Variants in MUC4 observed in about 807,000 individuals in gnomAD.
The protein encoded by MUC4 is mucin-4.
MUC4 carries 202 observed loss-of-function variants against 257.9 expected under a neutral mutation model. The observed-to-expected ratio is 0.78, with a 90% CI of 0.70 to 0.88. MUC4 has a LOEUF of 0.88. Among genes scored for constraint, MUC4 ranks in the 40% least tolerant of loss-of-function variants. The pLI, the probability that MUC4 is intolerant of heterozygous loss-of-function variation, is 0.00. For synonymous variants in MUC4, 2,351 were observed against 2,757.1 expected, an observed-to-expected ratio of 0.85 and a Z score of 4.62; for missense variants, 5,976 against 6,513.7, an observed-to-expected ratio of 0.92 and a Z score of 2.84.
intron 19 of MUC4, chr3:195,753,556 T>G: frequency 2.4e-6 from 1 of 424,130 alleles, no homozygotes; most frequent in Admixed American, 4.6e-5. Context: ...CCATCTCCTT[T>G]TCTGCCTTTA....
At chr3:195,801,698 G>A (rs930931825) in intron 1 of MUC4, among the ~76,000 whole-genome samples, 4 of 152,064 alleles carry the variant, frequency 2.6e-5, no homozygotes, top group African/African-American at 9.7e-5. Flanking sequence ...TTTCCTCAGA[G>A]CTACCAGAAT....
At position 195,748,928 on chromosome 3, in the gene MUC4, C is replaced by T. The variant is rs3205933; in HGVS notation, c.16008G>A (p.Gln5336=). The change falls in exon 24 of 25, where the codon CAG becomes CAA. Residue 5336 remains glutamine (Q), a synonymous_variant. Coordinates refer to ENST00000463781, the MANE Select transcript of MUC4 (RefSeq NM_018406.7). Reference sequence around the variant, plus strand: ...TGCAGCGGGGCCCACTGGGCAGGTGCTGGCACTGGCCTCCATGGTCACAGT... The same window carrying T: ...TGCAGCGGGGCCCACTGGGCAGGTGTTGGCACTGGCCTCCATGGTCACAGT... The part of the protein sequence containing the change: ...RGYCDHGGQC[Q]HLPSGPRCSC... The T allele has an allele frequency of 0.1, 164,491 of 1,571,954 alleles. 2,016 individuals carry two copies. The highest frequency in any genetic ancestry group is 0.21 in the Middle Eastern group (1,028 of 4,978).
rs1578331126 is a variant in MUC4, at chr3:195,784,514, T to G, written c.7066A>C (p.Thr2356Pro). The change falls in exon 2 of 25, where the codon ACC (threonine) becomes CCC (proline). Residue 2356 changes from threonine to proline, a missense_variant. Transcript: ENST00000463781. The stretch of plus-strand genomic sequence containing the variant: ...CCTGTGGATACTGAGGAAGCGTCGG[T>G]GACATGAAGAGGGGTGGCGTGACCT... ...STGHATPLHV[T>P]DASSVSTGDT... 6.5e-7 allele frequency: 1 copy of G among 1,538,958 alleles called. No homozygotes were observed. Among genetic ancestry groups the G allele is most frequent in the East Asian group, 2.5e-5 (1 of 40,802 alleles).
intron 7 of MUC4, among the ~76,000 whole-genome samples, chr3:195,767,525 C>T (rs113621843): frequency 0.036 from 2,473 of 68,158 alleles, 119 homozygotes; most frequent in African/African-American, 0.094. Flanking sequence ...ATCACCACCA[C>T]CATCGCCACC....
At position 195,811,889 on chromosome 3, in the gene MUC4, C is replaced by T. The variant is rs557969793; in HGVS notation, c.-72G>A. On this transcript the variant is annotated 5_prime_UTR_variant, in exon 1 of 25. Coordinates refer to ENST00000463781, the MANE Select transcript of MUC4 (RefSeq NM_018406.7). ...CAGCAGCTGCAGTGTGAGGAGCAGA[C>T]GTGAGCCCGTCCCCTCAGGCGGCTG... The T allele has an allele frequency of 4.9e-5, 72 of 1,461,412 alleles. No individual in the cohort carries two copies. In the African/African-American group the frequency reaches 5.7e-4, roughly 12 times the overall value. The allele number at this position is 1,461,412 out of a possible 1,614,324, so 90.5% of individuals were successfully genotyped here.
rs767116607 is a variant in MUC4, at chr3:195,778,426, C to T, written c.12820G>A (p.Gly4274Ser). 7 of 1,612,842 alleles carry T rather than the reference C, an allele frequency of 4.3e-6. No homozygotes were observed. The highest frequency in any genetic ancestry group is 3.3e-5 in the Admixed American group (2 of 59,848). ...GGTGATGTGGCTGTGCGTCTCCCAC[C>T]GTCTGTCTTCAGTGACGGTGTTGTC... ...GMTTPSLKTD[G>S]GRRTATSPPP... Residue 4274 changes from glycine (G) to serine (S), a missense_variant, in exon 3 of 25, where the codon GGT (glycine) becomes AGT (serine). Around this residue, in one of 44 missense-constraint regions of MUC4, gnomAD observed 233 missense variants for 171.2 expected, o/e 1.36. Transcript: ENST00000463781.
At chr3:195,776,867 A>T (rs1171902565) in intron 3 of MUC4, among the ~76,000 whole-genome samples, 15 of 28,042 alleles carry the variant, frequency 5.3e-4, no homozygotes, top group African/African-American at 7.7e-4. Context: ...TTCCACACCC[A>T]TACCTTCCAC....
Position 195,781,233 on chromosome 3 carries a change from TGCTGAGG to T in MUC4, c.10340_10346del (p.Ser3447TyrfsTer810). On this transcript the variant is annotated frameshift_variant, in exon 2 of 25. Coordinates refer to ENST00000463781, the MANE Select transcript of MUC4 (RefSeq NM_018406.7). LOFTEE classifies it high-confidence loss of function. ...GAAGAGGGGTGGTGTGACCTGTAGA[TGCTGAGG>T]AAGTGCTGGTGACAGGAACAGGGGT... The T allele has an allele frequency of 5.7e-6, 8 of 1,401,962 alleles. No individual in the cohort carries two copies. The Admixed American group carries it at 9.0e-5, about 16-fold the overall frequency. 86.8% of individuals were successfully genotyped at this position (1,401,962 alleles called of 1,614,324 possible). A position where few individuals can be genotyped will look rare whatever the true frequency, so the allele number is the denominator to read the frequency against.
At position 195,790,569 on chromosome 3, in the gene MUC4, T is replaced by C; in HGVS notation, c.1011A>G (p.Gln337=). ...GTGTGAGGGTGTTGAGGGTGTTGAT[T>C]TGAGATACTCTGGTGGTCTCCACGC... ...TQSVETTRVS[Q]INTLNTLTPV... is the part of the protein sequence containing the mutation. Residue 337 remains glutamine (Q), a synonymous_variant, in exon 2 of 25, where the codon CAA becomes CAG. Coordinates refer to ENST00000463781, the MANE Select transcript of MUC4 (RefSeq NM_018406.7). 1 of 1,613,972 alleles carries C rather than the reference T, an allele frequency of 6.2e-7. No homozygotes were observed. The highest frequency in any genetic ancestry group is 8.5e-7 in the Non-Finnish European group (1 of 1,179,866).
chr3:195,804,855 G>C (rs2149075878), intron 1 of MUC4, among the ~76,000 whole-genome samples: 1 of 152,332 alleles, frequency 6.6e-6, no homozygotes, highest in South Asian at 2.1e-4. Context: ...TGTCCACTGG[G>C]TACTTCCCTA....
Position 195,786,920 on chromosome 3 carries a change from G to T in MUC4, c.4660C>A (p.Pro1554Thr), listed in dbSNP as rs747282747. The T allele has an allele frequency of 6.0e-6, 9 of 1,495,978 alleles. No individual in the cohort carries two copies. The highest frequency in any genetic ancestry group is 1.4e-5 in the African/African-American group (1 of 69,184). 92.7% of individuals were successfully genotyped at this position (1,495,978 alleles called of 1,614,324 possible). A position where few individuals can be genotyped will look rare whatever the true frequency, so the allele number is the denominator to read the frequency against. ...SASTGDTTPL[P>T]VTDASSVSTG... Reference sequence around the variant, plus strand: ...GATACTGAGGAAGCGTCGGTGACAGGAAGAGGGGTGGTGTCACCTGTGGAT... The same window carrying T: ...GATACTGAGGAAGCGTCGGTGACAGTAAGAGGGGTGGTGTCACCTGTGGAT... The change falls in exon 2 of 25, where the codon CCT (proline) becomes ACT (threonine). Residue 1554 changes from proline to threonine, a missense_variant. Pro to Thr is a conservative substitution (Grantham distance 38). This residue lies in a region of MUC4 where 63 missense variants were observed against 68.8 expected (regional missense o/e 0.92). Transcript: ENST00000463781.
chr3:195,764,101 A>C lies in MUC4; in HGVS notation c.13988T>G (p.Leu4663Arg), dbSNP rs1241413837. 6.2e-7 allele frequency: 1 copy of C among 1,605,734 alleles called. No individual in the cohort carries two copies. Among genetic ancestry groups the C allele is most frequent in the Non-Finnish European group, 8.5e-7 (1 of 1,176,796 alleles). ...RWNDKPYLCA[L>R]YQQRRPHVGC... Reference sequence around the variant, plus strand: ...CACGTGGGGCCGCCTCTGCTGGTACAGGGCACAGAGGTAGGGCTTGTCATT... The same window carrying C: ...CACGTGGGGCCGCCTCTGCTGGTACCGGGCACAGAGGTAGGGCTTGTCATT... The change falls in exon 11 of 25, where the codon CTG becomes CGG. Residue 4663 changes from leucine (L) to arginine (R), a missense_variant. Physicochemically the swap from Leu to Arg is moderately radical, Grantham distance 102. Coordinates refer to ENST00000463781, the MANE Select transcript of MUC4 (RefSeq NM_018406.7).
intron 1 of MUC4, among the ~76,000 whole-genome samples, chr3:195,805,112 G>A (rs370971723): frequency 5.1e-4 from 78 of 151,662 alleles, no homozygotes; most frequent in African/African-American, 1.8e-3. Context: ...CCAGGCAGGA[G>A]TGCAGTGGTG....
Position 195,752,339 on chromosome 3 carries a change from C to T in MUC4, c.15582+34G>A, listed in dbSNP as rs772251148. 3.0e-5 allele frequency: 48 copies of T among 1,580,842 alleles called. No homozygotes were observed. In the South Asian group the frequency reaches 5.1e-4, roughly 17 times the overall value. On this transcript the variant is annotated intron_variant, in intron 21 of 24. Transcript: ENST00000463781. ...CCCTGGCCTGAACCCGCCAAGCGCC[C>T]CCTCCCACCCAGAGCGCGGCCTGCA...
Position 195,749,054 on chromosome 3 carries a change from G to C in MUC4, c.15882C>G (p.Ser5294Arg), listed in dbSNP as rs1377076453. 3 of 1,606,874 alleles carry C rather than the reference G, an allele frequency of 1.9e-6. No homozygotes were observed. The highest frequency in any genetic ancestry group is 2.2e-5 in the East Asian group (1 of 44,684). The part of the protein sequence containing the change: ...DVRDVTALNV[S>R]TLKAYFRCDG... ...CGCATCTGAAGTAAGCCTTCAGCGT[G>C]CTCACGTTCACTGTCGGGAAGGACA... Residue 5294 changes from serine to arginine, a missense_variant, in exon 24 of 25, where the codon AGC (serine) becomes AGG (arginine). Physicochemically the swap from Ser to Arg is moderately radical, Grantham distance 110 (BLOSUM62 -1). Coordinates refer to ENST00000463781, the MANE Select transcript of MUC4 (RefSeq NM_018406.7).
At position 195,779,173 on chromosome 3, in the gene MUC4, G is replaced by T; in HGVS notation, c.12407C>A (p.Ser4136Ter). The change falls in exon 2 of 25, where the codon TCA (serine) becomes TAA (stop). Residue 4136 changes from serine to a stop codon, truncating the protein, a stop_gained. Transcript: ENST00000463781. LOFTEE classifies it high-confidence loss of function. ...AGGCGTGGTGTCACCTGTGGATACT[G>T]AGGAAAGGCTGGTGACAGGAAGAGG... The part of the protein sequence containing the change: ...ATPLPVTSLS[S>*]VSTGDTTPLP... 1 of 1,406,652 alleles carries T rather than the reference G, an allele frequency of 7.1e-7. No homozygotes were observed. Among genetic ancestry groups the T allele is most frequent in the South Asian group, 1.3e-5 (1 of 79,482 alleles). The allele number at this position is 1,406,652 out of a possible 1,614,324, so 87.1% of individuals were successfully genotyped here. A position where few individuals can be genotyped will look rare whatever the true frequency, so the allele number is the denominator to read the frequency against.
rs779686512 is a variant in MUC4, at chr3:195,789,104, C to G, written c.2476G>C (p.Glu826Gln). 1 of 1,613,462 alleles carries G rather than the reference C, an allele frequency of 6.2e-7. No individual in the cohort carries two copies. Among genetic ancestry groups the G allele is most frequent in the Non-Finnish European group, 8.5e-7 (1 of 1,179,738 alleles). The change falls in exon 2 of 25, where the codon GAG becomes CAG. Residue 826 changes from glutamate (E) to glutamine (Q), a missense_variant. Coordinates refer to ENST00000463781, the MANE Select transcript of MUC4 (RefSeq NM_018406.7). ...GGGTTTGATGAAAACCTTGTCGTCT[C>G]TCCTGAGGTGGATATTCCTTCGCTT... ...SGSEGISTSG[E>Q]TTRFSSNPSR... is the part of the protein sequence containing the mutation.
At position 195,780,013 on chromosome 3, in the gene MUC4, G is replaced by T. The variant is rs1333474168; in HGVS notation, c.11567C>A (p.Pro3856His). 5.2e-6 allele frequency: 7 copies of T among 1,346,460 alleles called. No individual in the cohort carries two copies. In the East Asian group the frequency reaches 1.0e-4, roughly 20 times the overall value. 83.4% of individuals were successfully genotyped at this position (1,346,460 alleles called of 1,614,324 possible). Residue 3856 changes from proline (P) to histidine (H), a missense_variant, in exon 2 of 25, where the codon CCT becomes CAT. Pro to His is a moderately conservative substitution (Grantham distance 77, BLOSUM62 -2). Around this residue, in one of 44 missense-constraint regions of MUC4, gnomAD observed 330 missense variants for 262.0 expected, o/e 1.26. Transcript: ENST00000463781. ...PSSVSTGDTM[P>H]LPVTSPSSAS... ...TGAGGAAGGGCTAGTGACAGGAAGA[G>T]GCATGGTGTCACCTGTGGATACTGA...
In MUC4 at chr3:195,751,316, C is replaced by CG. The variant is rs750819370; in HGVS notation, c.15583-46dup. On this transcript the variant is annotated intron_variant, in intron 21 of 24. Transcript: ENST00000463781. ...ATGGGGGTGGGGGTGAGGCCCCATC[C>CG]GGGGGGGAGACGCCCTCCCACCTTG... The CG allele has an allele frequency of 3.5e-4, 511 of 1,455,320 alleles. 2 individuals are homozygous for CG. The highest frequency in any genetic ancestry group is 1.3e-3 in the South Asian group (108 of 83,358). The allele number at this position is 1,455,320 out of a possible 1,614,324, so 90.2% of individuals were successfully genotyped here.
Sources: gnomAD v4.1 joint callset for allele counts (sites outside exome capture counted in the v4.1 genomes callset) on GRCh38, gnomAD v4.1.1 for gene constraint, gnomAD v4.1.1 regional missense constraint, MANE v1.5 for transcripts, NCBI Gene and HGNC (gene_info 2026-07-23, HGNC 2026-07-21) for gene names.